The following ITGA11 variants were observed in gnomAD, a reference collection of about 807,000 sequenced individuals.
The protein encoded by ITGA11 is integrin subunit alpha 11, also known as integrin alpha-11.
Under a neutral mutation model 141.9 loss-of-function variants are expected in ITGA11, and 97 were observed. The observed-to-expected ratio is 0.68, with a 90% confidence interval of 0.58 to 0.81. The LOEUF (loss-of-function observed/expected upper bound fraction) is 0.81. Ranked by LOEUF, ITGA11 falls within the 30% of genes least tolerant of loss-of-function variation. ITGA11 has a pLI of 0.00. For synonymous variants in ITGA11, 658 were observed against 624.6 expected, an observed-to-expected ratio of 1.05 and a Z score of -0.80; for missense variants, 1,387 against 1,559.2, an observed-to-expected ratio of 0.89 and a Z score of 1.86.
rs1396471162 is a variant in ITGA11 at position 68,325,537 on chromosome 15, TC to T, written c.2212-297del. Among the ~76,000 whole-genome samples the T allele has an allele frequency of 2.6e-5, 4 of 152,218 alleles. No individual in the cohort carries two copies. The highest frequency in any genetic ancestry group is 5.9e-5 in the Non-Finnish European group (4 of 68,038). Reference sequence around the variant, plus strand: ...CTCCCATTGCCCGGGTACCTCGGCCTCTGGGAAGCCTGGCAGTGCCCGCCTG... The same window carrying T: ...CTCCCATTGCCCGGGTACCTCGGCCTTGGGAAGCCTGGCAGTGCCCGCCTG... On this transcript the variant is annotated intron_variant, in intron 17 of 29. Transcript: ENST00000315757. This position sits in a 1 kb window ranked among gnomAD's most constrained non-coding sequence, Gnocchi z 5.5.
intron 2 of ITGA11, among the ~76,000 whole-genome samples, chr15:68,378,235 G>A (rs1895775418): frequency 6.6e-6 from 1 of 151,680 alleles, no homozygotes; most frequent in African/African-American, 2.4e-5. Context: ...AGATAATATA[G>A]TTCTGCCTCA....
At chr15:68,351,181 T>C (rs1595872794) in intron 8 of ITGA11, 77 bp downstream of exon 8, 2 of 1,492,712 alleles carry the variant, frequency 1.3e-6, no homozygotes, top group African/African-American at 2.8e-5. Flanking sequence ...CTGGAACTAG[T>C]CCCTTGGAGT....
rs1893950712 is a variant in ITGA11, at chr15:68,325,606, G to C, written c.2212-365C>G. ...CACTCTCTTCAGACCAGTTACGCCT[G>C]CTGCTCATGTAGCATTTGAACCATA... On this transcript the variant is annotated intron_variant, in intron 17 of 29. Transcript: ENST00000315757. This position sits in a 1 kb window ranked among gnomAD's most constrained non-coding sequence, Gnocchi z 5.5. Among the ~76,000 whole-genome samples the C allele has an allele frequency of 6.6e-6, 1 of 152,192 alleles. No homozygotes were observed. Among genetic ancestry groups the C allele is most frequent in the Non-Finnish European group, 1.5e-5 (1 of 68,028 alleles).
At chr15:68,430,403 C>T (rs530304340) in intron 1 of ITGA11, among the ~76,000 whole-genome samples, 2 of 152,168 alleles carry the variant, frequency 1.3e-5, no homozygotes, top group Non-Finnish European at 2.9e-5. Context: ...TTGGAAAGGT[C>T]GCATAACCAG....
chr15:68,358,583 AC>A lies in ITGA11; in HGVS notation c.474del (p.Arg158SerfsTer32), dbSNP rs1343096550. The A allele has an allele frequency of 5.0e-6, 8 of 1,610,496 alleles. No homozygotes were observed. The highest frequency in any genetic ancestry group is 5.9e-6 in the Non-Finnish European group (7 of 1,178,718). ...FSKTVAPALQ[R>X]CQTYMDIVIV... ...ATGACGATGTCCATGTAGGTCTGGC[AC>A]CCTGGAAAGTGGGGACACAGTTATG... On this transcript the variant is annotated frameshift_variant and splice_region_variant, in exon 6 of 30. Coordinates refer to ENST00000315757, the MANE Select transcript of ITGA11 (RefSeq NM_001004439.2). LOFTEE classifies it high-confidence loss of function.
chr15:68,392,574 C>T (rs1035869931), intron 2 of ITGA11, among the ~76,000 whole-genome samples: 6 of 152,174 alleles, frequency 3.9e-5, no homozygotes, highest in East Asian at 1.9e-4. Context: ...GAAAGTTTCC[C>T]TCAGGTTCTT....
intron 2 of ITGA11, among the ~76,000 whole-genome samples, chr15:68,383,250 G>A (rs570635768): frequency 4.7e-5 from 7 of 150,190 alleles, no homozygotes; most frequent in Non-Finnish European, 7.4e-5. Flanking sequence ...CAGCCTGGTC[G>A]ACAGAGCGAG....
At position 68,321,646 on chromosome 15, in the gene ITGA11, G is replaced by C. The variant is rs185692579; in HGVS notation, c.2323-143C>G. The C allele has an allele frequency of 6.4e-6, 3 of 470,958 alleles. No individual in the cohort carries two copies. Among genetic ancestry groups the C allele is most frequent in the South Asian group, 4.1e-5 (1 of 24,486 alleles). 29.2% of individuals were successfully genotyped at this position (470,958 alleles called of 1,614,324 possible). A position where few individuals can be genotyped will look rare whatever the true frequency, so the allele number is the denominator to read the frequency against. The stretch of plus-strand genomic sequence containing the variant: ...CCCAGACACCACACTGCTCTGTCTT[G>C]TGCTTTTCCATAGATGCTTCCCTCT... On this transcript the variant is annotated intron_variant, in intron 18 of 29. Transcript: ENST00000315757. The surrounding 1 kb of genome is among the most constrained non-coding windows in gnomAD (Gnocchi z 4.9).
chr15:68,357,390 T>C (rs1166219074), intron 6 of ITGA11, 91 bp from the exon 7 acceptor site: 2 of 1,481,756 alleles, frequency 1.3e-6, no homozygotes, highest in East Asian at 4.6e-5. Context: ...GGGAGTTGTC[T>C]CTGTGTGATA....
intron 3 of ITGA11, chr15:68,365,220 C>T (rs1895380529): frequency 2.0e-6 from 2 of 985,308 alleles, no homozygotes; most frequent in South Asian, 4.7e-5. Flanking sequence ...CTTAACCAGT[C>T]CTGTGCCCAA....
chr15:68,339,418 G>T, intron 11 of ITGA11, 82 bp downstream of exon 11: 1 of 1,471,252 alleles, frequency 6.8e-7, no homozygotes, highest in Non-Finnish European at 9.2e-7. Flanking sequence ...CCCCTCACTC[G>T]TGTGTGGGCT....
At chr15:68,411,927 C>T (rs1237534862) in intron 1 of ITGA11, among the ~76,000 whole-genome samples, 1 of 151,972 alleles carries the variant, frequency 6.6e-6, no homozygotes, top group East Asian at 1.9e-4. Context: ...CAGAGCTGCC[C>T]CAGCTGAGTT....
intron 1 of ITGA11, among the ~76,000 whole-genome samples, chr15:68,421,572 C>T (rs1190391410): frequency 6.6e-6 from 1 of 152,066 alleles, no homozygotes; most frequent in Non-Finnish European, 1.5e-5. Flanking sequence ...GGCCACAGGC[C>T]ATGGGAGCTT....
chr15:68,359,523 G>A (rs1895177649), intron 5 of ITGA11, among the ~76,000 whole-genome samples: 2 of 152,150 alleles, frequency 1.3e-5, no homozygotes, highest in South Asian at 4.1e-4. Flanking sequence ...ATGCACACCT[G>A]TAATCCCAGC....
intron 18 of ITGA11, among the ~76,000 whole-genome samples, chr15:68,323,535 T>C (rs1516869): frequency 0.64 from 97,405 of 152,032 alleles, 34,983 homozygotes; most frequent in East Asian, 0.82. Flanking sequence ...AAGTAAGACT[T>C]TGTAGAATGA....
Position 68,308,115 on chromosome 15 carries a change from AG to A in ITGA11, c.3175-420del, listed in dbSNP as rs916921815. Among the ~76,000 whole-genome samples, 3 of 152,214 alleles carry A rather than the reference AG, an allele frequency of 2.0e-5. No individual in the cohort carries two copies. The highest frequency in any genetic ancestry group is 4.8e-5 in the African/African-American group (2 of 41,454). ...CAGGGAACTTCCTGAATCAGATAAA[AG>A]GGGTCTTCATAAAGTTCATGGAAAA... On this transcript the variant is annotated intron_variant, in intron 26 of 29. Transcript: ENST00000315757. This position sits in a 1 kb window ranked among gnomAD's most constrained non-coding sequence, Gnocchi z 5.2.
At chr15:68,431,510 T>C (rs1348418786) in intron 1 of ITGA11, among the ~76,000 whole-genome samples, 1 of 152,074 alleles carries the variant, frequency 6.6e-6, no homozygotes, top group South Asian at 2.1e-4. Context: ...TGCGCAGCCC[T>C]CACCCCCACC....
chr15:68,380,555 G>A (rs1192247085), intron 2 of ITGA11, among the ~76,000 whole-genome samples: 1 of 152,198 alleles, frequency 6.6e-6, no homozygotes, highest in Non-Finnish European at 1.5e-5. Flanking sequence ...TCCAGGTGTG[G>A]CAGGGCACAG....
At chr15:68,431,518 A>C (rs1426248696) in intron 1 of ITGA11, among the ~76,000 whole-genome samples, 1 of 151,786 alleles carries the variant, frequency 6.6e-6, no homozygotes, top group East Asian at 1.9e-4. Context: ...CCTCACCCCC[A>C]CCCTTCAGCC....
Sources: allele counts gnomAD v4.1 joint callset (sites outside exome capture counted in the v4.1 genomes callset), GRCh38; gene constraint gnomAD v4.1.1; non-coding constraint Gnocchi (gnomAD v3.1); transcripts MANE v1.5; gene names NCBI Gene and HGNC (gene_info 2026-07-23, HGNC 2026-07-21).